Variants in DPP6 observed in about 807,000 individuals in gnomAD.
DPP6 encodes the protein A-type potassium channel modulatory protein DPP6.
Under a neutral mutation model 122.6 loss-of-function variants are expected in DPP6, and 69 were observed. The ratio of observed to expected loss-of-function variants is 0.56; its 90% CI spans 0.46 to 0.69. The LOEUF is 0.69. DPP6 is among the 30% of genes least tolerant of loss of function. The pLI, the probability that DPP6 is intolerant of heterozygous loss-of-function variation, is 0.00. For missense variants in DPP6, 928 were observed against 1,116.9 expected (o/e 0.83, Z 2.41); for synonymous variants, 418 against 433.1 (o/e 0.97, Z 0.43).
At chr7:153,794,288 G>A in the DPP6 span, among the ~76,000 whole-genome samples, 1 of 152,218 alleles carries the variant, frequency 6.6e-6, no homozygotes, top group Non-Finnish European at 1.5e-5. Context: ...GAGTGGAGCT[G>A]CCCAAGACCA....
At chr7:154,369,613 G>A (rs939213329) in intron 1 of DPP6, among the ~76,000 whole-genome samples, 8 of 152,168 alleles carry the variant, frequency 5.3e-5, no homozygotes, top group African/African-American at 1.9e-4. Context: ...GGATCCACCT[G>A]CCTTGGCCTC....
intron 24 of DPP6, 56 bp from the exon 25 acceptor site, chr7:154,889,401 G>A: frequency 6.2e-7 from 1 of 1,603,878 alleles, no homozygotes; most frequent in African/African-American, 1.3e-5. Flanking sequence ...CTCCTTGATG[G>A]CACCATGGGT....
chr7:153,757,397 A>G, the DPP6 span, among the ~76,000 whole-genome samples: 1 of 152,340 alleles, frequency 6.6e-6, no homozygotes, highest in East Asian at 1.9e-4. Flanking sequence ...AAAGCTGACA[A>G]TTCACTGGGG....
chr7:154,293,262 G>A (rs977742770), intron 1 of DPP6, among the ~76,000 whole-genome samples: 2 of 152,144 alleles, frequency 1.3e-5, no homozygotes, highest in African/African-American at 4.8e-5. Context: ...TTTCATCTTT[G>A]ACTTCTAACA....
chr7:154,783,078 CA>C (rs1651634687), intron 10 of DPP6, among the ~76,000 whole-genome samples: 1 of 152,180 alleles, frequency 6.6e-6, no homozygotes, highest in Non-Finnish European at 1.5e-5. Flanking sequence ...AACACCTTCC[CA>C]GGGGCTGCTG....
intron 1 of DPP6, among the ~76,000 whole-genome samples, chr7:153,949,724 C>T (rs1183848035): frequency 1.3e-5 from 2 of 152,202 alleles, no homozygotes; most frequent in African/African-American, 2.4e-5. Context: ...TTGGAAGAAC[C>T]GAGTTTACTG....
At chr7:154,782,815 G>T (rs912832028) in intron 10 of DPP6, among the ~76,000 whole-genome samples, 1 of 151,872 alleles carries the variant, frequency 6.6e-6, no homozygotes. Context: ...ACAGAGCCTC[G>T]CTCTGTCGCC....
chr7:153,775,652 C>A, the DPP6 span, among the ~76,000 whole-genome samples: 1 of 152,030 alleles, frequency 6.6e-6, no homozygotes, highest in African/African-American at 2.4e-5. Context: ...CCTCTATCTG[C>A]AGACAAAATG....
intron 7 of DPP6, among the ~76,000 whole-genome samples, chr7:154,672,232 T>G (rs1177902180): frequency 1.3e-5 from 2 of 152,152 alleles, no homozygotes; most frequent in African/African-American, 4.8e-5. Context: ...TCCTGAGGCC[T>G]CCCCAGCAAT....
chr7:154,337,921 C>T (rs537643678), intron 1 of DPP6, among the ~76,000 whole-genome samples: 113 of 152,324 alleles, frequency 7.4e-4, no homozygotes, highest in African/African-American at 2.5e-3. Flanking sequence ...CCTTCTTGCG[C>T]GTAAGCCTGT....
At position 154,206,995 on chromosome 7, in the gene DPP6, G is replaced by A. The variant is rs147141550; in HGVS notation, c.243+153932G>A. 8.6e-3 allele frequency among the ~76,000 whole-genome samples: 1,316 copies of A among 152,312 alleles called. 16 individuals are homozygous for A. The highest frequency in any genetic ancestry group is 0.03 in the African/African-American group (1,240 of 41,556). ...GAGCAGCAAGGGGTGGAAAGGAAAG[G>A]GTACCGAAGTGCTGCTGTGCTCCAC... On this transcript the variant is annotated intron_variant, in intron 1 of 25. Coordinates refer to ENST00000377770, the MANE Select transcript of DPP6 (RefSeq NM_130797.4).
At chr7:153,934,915 C>T (rs1801356918) in intron 1 of DPP6, among the ~76,000 whole-genome samples, 1 of 151,778 alleles carries the variant, frequency 6.6e-6, no homozygotes, top group African/African-American at 2.4e-5. Context: ...GGAGGAGGCT[C>T]AGTGCCAGCA....
chr7:153,835,638 A>C, the DPP6 span, among the ~76,000 whole-genome samples: 2 of 152,186 alleles, frequency 1.3e-5, no homozygotes, highest in African/African-American at 4.8e-5. Context: ...GCAAAATATG[A>C]ATAATCACCT....
intron 7 of DPP6, among the ~76,000 whole-genome samples, chr7:154,674,222 C>A (rs2131130274): frequency 6.6e-6 from 1 of 152,234 alleles, no homozygotes. Flanking sequence ...CTGCCCCCGA[C>A]CATGTGTTTG....
At chr7:153,870,101 A>G in the DPP6 span, among the ~76,000 whole-genome samples, 1 of 151,912 alleles carries the variant, frequency 6.6e-6, no homozygotes, top group Non-Finnish European at 1.5e-5. Context: ...CTTCATTTCA[A>G]CTTTGGTGAA....
chr7:154,700,537 G>T (rs568559427), intron 7 of DPP6, among the ~76,000 whole-genome samples: 1 of 152,234 alleles, frequency 6.6e-6, no homozygotes, highest in Non-Finnish European at 1.5e-5. Context: ...GCTTCAGGGA[G>T]TTTGCTGCTG....
At chr7:154,596,046 C>T (rs961221852) in intron 5 of DPP6, among the ~76,000 whole-genome samples, 30 of 152,128 alleles carry the variant, frequency 2.0e-4, no homozygotes, top group Non-Finnish European at 4.0e-4. Context: ...GGTGACAGAG[C>T]GAGACGCCAT....
intron 4 of DPP6, among the ~76,000 whole-genome samples, chr7:154,544,362 C>A (rs1828992884): frequency 6.6e-6 from 1 of 152,216 alleles, no homozygotes; most frequent in South Asian, 2.1e-4. Context: ...ACAAGTGCAT[C>A]ATCTCTGAAG....
Position 154,395,473 on chromosome 7 carries a change from C to A in DPP6, c.244-50741C>A, listed in dbSNP as rs185585194. Reference sequence around the variant, plus strand: ...TCATTTTACAAGTTGTTCACCTCCGCGGCTAAGTTAATTCCTAAGTATTTT... The same window carrying A: ...TCATTTTACAAGTTGTTCACCTCCGAGGCTAAGTTAATTCCTAAGTATTTT... On this transcript the variant is annotated intron_variant, in intron 1 of 25. Coordinates refer to ENST00000377770, the MANE Select transcript of DPP6 (RefSeq NM_130797.4). Among the ~76,000 whole-genome samples, 79 of 152,238 alleles carry A rather than the reference C, an allele frequency of 5.2e-4. 1 individual carries two copies. The highest frequency in any genetic ancestry group is 1.7e-3 in the African/African-American group (69 of 41,556).
Sources: gnomAD v4.1 joint callset for allele counts (sites outside exome capture counted in the v4.1 genomes callset) on GRCh38, gnomAD v4.1.1 for gene constraint, MANE v1.5 for transcripts, NCBI Gene and HGNC (gene_info 2026-07-23, HGNC 2026-07-21) for gene names.